The following BRINP1 variants were observed in gnomAD, a reference collection of about 807,000 sequenced individuals.
BRINP1 encodes the protein BMP/retinoic acid-inducible neural-specific protein 1.
BRINP1 carries 17 observed loss-of-function variants against 72.9 expected under a neutral mutation model. The observed-to-expected ratio is 0.23, with a 90% CI of 0.16 to 0.35. The LOEUF is 0.35. Among genes scored for constraint, BRINP1 ranks in the 10% least tolerant of loss-of-function variants. The probability of loss-of-function intolerance (pLI) is 1.00; values close to 1 mark genes in which losing one functional copy is unlikely to be tolerated. For synonymous variants in BRINP1, 418 were observed against 378.5 expected, an observed-to-expected ratio of 1.10 and a Z score of -1.21; for missense variants, 850 against 1,001.6, an observed-to-expected ratio of 0.85 and a Z score of 2.04.
intron 2 of BRINP1, among the ~76,000 whole-genome samples, chr9:119,293,866 C>A (rs1243208290): frequency 1.3e-5 from 2 of 152,146 alleles, no homozygotes; most frequent in Non-Finnish European, 2.9e-5. Flanking sequence ...TGCCCACTCA[C>A]CACTTCTATT....
At position 119,250,294 on chromosome 9, in the gene BRINP1, C is replaced by A. The variant is rs375455476; in HGVS notation, c.219-1144G>T. ...AAAATGTTAACATGTATTCATTGAGCACCTAGTATTTTAAAGCAATTAAGC... is the reference window on the plus strand; with the variant it reads ...AAAATGTTAACATGTATTCATTGAGAACCTAGTATTTTAAAGCAATTAAGC... On this transcript the variant is annotated intron_variant, in intron 2 of 7. Transcript: ENST00000265922. Among the ~76,000 whole-genome samples, 16 of 152,288 alleles carry A rather than the reference C, an allele frequency of 1.1e-4. No individual in the cohort carries two copies. In the East Asian group the frequency reaches 3.1e-3, roughly 29 times the overall value.
intron 2 of BRINP1, among the ~76,000 whole-genome samples, chr9:119,305,261 G>A (rs1830983899): frequency 6.6e-6 from 1 of 152,060 alleles, no homozygotes. Context: ...TTTATTGAGT[G>A]AGTGTCAAAC....
At chr9:119,271,224 T>C (rs999408245) in intron 2 of BRINP1, among the ~76,000 whole-genome samples, 44 of 151,706 alleles carry the variant, frequency 2.9e-4, no homozygotes, top group African/African-American at 1.0e-3. Context: ...ATAAGAACAA[T>C]TCAGAAACCC....
intron 3 of BRINP1, 76 bp from the exon 4 acceptor site, chr9:119,242,292 T>A: frequency 8.1e-7 from 1 of 1,230,968 alleles, no homozygotes; most frequent in Non-Finnish European, 1.1e-6. Flanking sequence ...ACCTGGATGC[T>A]GAAAACAGCC....
At chr9:119,277,277 C>T (rs959320012) in intron 2 of BRINP1, among the ~76,000 whole-genome samples, 3 of 152,200 alleles carry the variant, frequency 2.0e-5, no homozygotes, top group Non-Finnish European at 2.9e-5. Flanking sequence ...ACTCCTCCTT[C>T]GCTCTTTCGT....
chr9:119,266,056 A>G (rs1283955639), intron 2 of BRINP1, among the ~76,000 whole-genome samples: 1 of 152,254 alleles, frequency 6.6e-6, no homozygotes, highest in South Asian at 2.1e-4. Flanking sequence ...GAACCAGATG[A>G]TAAACATGCC....
intron 7 of BRINP1, among the ~76,000 whole-genome samples, chr9:119,207,007 A>G (rs1829864370): frequency 6.6e-6 from 1 of 152,220 alleles, no homozygotes. Flanking sequence ...GTGGGCTCAA[A>G]TTTGGAGGGA....
Position 119,167,759 on chromosome 9 carries a change from G to T in BRINP1, c.1611C>A (p.Phe537Leu), listed in dbSNP as rs774961236. ...TGGACATGCCGATCACCATGTGGATGAAGTCCATGCGGTTCTTGTTGCTCT... is the reference window on the plus strand; with the variant it reads ...TGGACATGCCGATCACCATGTGGATTAAGTCCATGCGGTTCTTGTTGCTCT... ...TLKSNKNRMDFIHMVIGMSMR... is the reference protein window; with the variant it reads ...TLKSNKNRMDLIHMVIGMSMR... The change falls in exon 8 of 8, where the codon TTC becomes TTA. Residue 537 changes from phenylalanine (F) to leucine (L), a missense_variant. By Grantham distance (22) the Phe-to-Leu change is conservative. Transcript: ENST00000265922. The surrounding 1 kb of genome is among the most constrained non-coding windows in gnomAD (Gnocchi z 4.3). The T allele has an allele frequency of 6.2e-7, 1 of 1,614,164 alleles. No homozygotes were observed. Among genetic ancestry groups the T allele is most frequent in the Non-Finnish European group, 8.5e-7 (1 of 1,180,032 alleles).
At chr9:119,211,004 A>C (rs1490904758) in intron 6 of BRINP1, among the ~76,000 whole-genome samples, 1 of 152,112 alleles carries the variant, frequency 6.6e-6, no homozygotes, top group African/African-American at 2.4e-5. Flanking sequence ...ACAGGCCCTG[A>C]TGACTCTGTT....
chr9:119,366,429 G>A (rs73661143), intron 1 of BRINP1, among the ~76,000 whole-genome samples: 283 of 150,922 alleles, frequency 1.9e-3, no homozygotes, highest in African/African-American at 6.5e-3. Context: ...CTTGCTTGTC[G>A]GTAATTCCCT....
At chr9:119,202,298 A>G in intron 7 of BRINP1, among the ~76,000 whole-genome samples, 1 of 152,218 alleles carries the variant, frequency 6.6e-6, no homozygotes, top group Non-Finnish European at 1.5e-5. Flanking sequence ...AGTGTTAACT[A>G]TTAAATGTTG....
chr9:119,366,995 A>C (rs1168555280), intron 1 of BRINP1, among the ~76,000 whole-genome samples: 1 of 151,754 alleles, frequency 6.6e-6, no homozygotes, highest in East Asian at 2.0e-4. Flanking sequence ...CCCCCTACCC[A>C]AGATAATCCA....
chr9:119,313,521 AT>A, intron 1 of BRINP1, 116 bp from the exon 2 acceptor site: 1 of 868,858 alleles, frequency 1.2e-6, no homozygotes. Flanking sequence ...TGATTAACAC[AT>A]CTTCATAATA....
chr9:119,364,047 C>T (rs1936843667), intron 1 of BRINP1, among the ~76,000 whole-genome samples: 1 of 127,440 alleles, frequency 7.8e-6, no homozygotes, highest in African/African-American at 2.9e-5. Context: ...TTGGTGGCAT[C>T]GAAGCCCTAA....
rs778945888 is a variant in BRINP1 at position 119,167,867 on chromosome 9, G to A, written c.1503C>T (p.Val501=). 1 of 1,614,218 alleles carries A rather than the reference G, an allele frequency of 6.2e-7. No individual in the cohort carries two copies. The highest frequency in any genetic ancestry group is 8.5e-7 in the Non-Finnish European group (1 of 1,180,038). The stretch of plus-strand genomic sequence containing the variant: ...TCTCGTTGCTGATGAAGGTGGTGTG[G>A]ACGTAGAGGCGTGAGTCCATCTTCT... The part of the protein sequence containing the change: ...LLQKMDSRLY[V]HTTFISNEIR... Residue 501 remains valine (V), a synonymous_variant, in exon 8 of 8, where the codon GTC becomes GTT. Transcript: ENST00000265922. This position sits in a 1 kb window ranked among gnomAD's most constrained non-coding sequence, Gnocchi z 4.3.
At chr9:119,170,499 A>G (rs371619909) in intron 7 of BRINP1, among the ~76,000 whole-genome samples, 150 of 152,138 alleles carry the variant, frequency 9.9e-4, no homozygotes, top group African/African-American at 2.6e-3. Context: ...CCAAATCTAC[A>G]TCTGATTGGT....
At chr9:119,242,442 G>T (rs1320371016) in intron 3 of BRINP1, among the ~76,000 whole-genome samples, 1 of 152,116 alleles carries the variant, frequency 6.6e-6, no homozygotes, top group Non-Finnish European at 1.5e-5. Context: ...CAACAATAAA[G>T]TCCAGCCCCT....
intron 7 of BRINP1, among the ~76,000 whole-genome samples, chr9:119,195,210 T>A (rs773080299): frequency 7.9e-5 from 12 of 152,198 alleles, no homozygotes; most frequent in Non-Finnish European, 1.3e-4. Flanking sequence ...ATTGTCTTGC[T>A]CACCCCCCTA....
At chr9:119,300,776 C>T (rs1405961044) in intron 2 of BRINP1, among the ~76,000 whole-genome samples, 3 of 152,184 alleles carry the variant, frequency 2.0e-5, no homozygotes, top group African/African-American at 7.2e-5. Flanking sequence ...ACAGCTCTTG[C>T]CAAGGTCAAG....
Sources: allele counts gnomAD v4.1 joint callset (sites outside exome capture counted in the v4.1 genomes callset), GRCh38; gene constraint gnomAD v4.1.1; non-coding constraint Gnocchi (gnomAD v3.1); transcripts MANE v1.5; gene names NCBI Gene and HGNC (gene_info 2026-07-23, HGNC 2026-07-21).